Variants in ADGRA3 observed in about 807,000 individuals in gnomAD.
ADGRA3 encodes the protein G-protein coupled receptor 125.
Under a neutral mutation model 119.8 loss-of-function variants are expected in ADGRA3, and 56 were observed. That is an observed-to-expected ratio of 0.47 (90% CI 0.38 to 0.58). ADGRA3 has a LOEUF of 0.58. ADGRA3 is among the 20% of genes least tolerant of loss of function. The pLI is 0.00. For synonymous variants in ADGRA3, 607 were observed against 623.8 expected, an observed-to-expected ratio of 0.97 and a Z score of 0.40; for missense variants, 1,516 against 1,649.0, an observed-to-expected ratio of 0.92 and a Z score of 1.40.
intron 1 of ADGRA3, among the ~76,000 whole-genome samples, chr4:22,484,925 A>C (rs11730156): frequency 0.13 from 20,038 of 152,002 alleles, 1,418 homozygotes; most frequent in Middle Eastern, 0.23. Flanking sequence ...TCTTAGTTCC[A>C]ACCTTCACAT....
At chr4:22,465,872 T>C (rs1244435624) in intron 2 of ADGRA3, among the ~76,000 whole-genome samples, 3 of 152,202 alleles carry the variant, frequency 2.0e-5, no homozygotes, top group Non-Finnish European at 4.4e-5. Context: ...TTGCTGGAGA[T>C]AACTTTCTTT....
chr4:22,412,676 A>G (rs1401835706), intron 14 of ADGRA3, among the ~76,000 whole-genome samples: 1 of 152,222 alleles, frequency 6.6e-6, no homozygotes, highest in Non-Finnish European at 1.5e-5. Context: ...CTGGCATTAA[A>G]ACTGAAAAGA....
At chr4:22,409,872 T>C (rs1715120585) in intron 14 of ADGRA3, among the ~76,000 whole-genome samples, 1 of 152,334 alleles carries the variant, frequency 6.6e-6, no homozygotes, top group East Asian at 1.9e-4. Context: ...AAACAGTAGT[T>C]ACTTATCAGT....
At chr4:22,429,046 C>A (rs1419279408) in intron 10 of ADGRA3, among the ~76,000 whole-genome samples, 1 of 152,042 alleles carries the variant, frequency 6.6e-6, no homozygotes, top group African/African-American at 2.4e-5. Context: ...AATCATAATT[C>A]TTCAGGAGAG....
intron 1 of ADGRA3, among the ~76,000 whole-genome samples, chr4:22,510,004 C>T (rs1321431416): frequency 4.3e-5 from 4 of 92,514 alleles, no homozygotes; most frequent in Admixed American, 4.0e-4. Context: ...AGCGAGACTC[C>T]GTCTCAAAAA....
intron 1 of ADGRA3, among the ~76,000 whole-genome samples, chr4:22,502,307 CT>C (rs1719074818): frequency 6.6e-6 from 1 of 152,136 alleles, no homozygotes; most frequent in Non-Finnish European, 1.5e-5. Context: ...TAGTGATGGA[CT>C]TTAAAATGGT....
intron 8 of ADGRA3, among the ~76,000 whole-genome samples, chr4:22,438,028 T>A (rs949099704): frequency 1.3e-5 from 2 of 152,212 alleles, no homozygotes; most frequent in Admixed American, 1.3e-4. Context: ...TTGTTAAAAA[T>A]GACTCTACTT....
At chr4:22,508,547 AG>A (rs1484038822) in intron 1 of ADGRA3, among the ~76,000 whole-genome samples, 9 of 152,292 alleles carry the variant, frequency 5.9e-5, no homozygotes, top group African/African-American at 2.2e-4. Flanking sequence ...GATGTATGTA[AG>A]ATTTTGCATT....
chr4:22,497,712 A>G lies in ADGRA3; in HGVS notation c.257+17816T>C, dbSNP rs1275171103. ...GTGGCGGGCGCCTATAATCCCAGCT[A>G]CTTGAGGCGTACGTTACAGTGAGCC... On this transcript the variant is annotated intron_variant, in intron 1 of 18. Transcript: ENST00000334304. Among the ~76,000 whole-genome samples the G allele has an allele frequency of 2.1e-5, 3 of 142,654 alleles. No individual in the cohort carries two copies. The East Asian group carries it at 6.2e-4, about 30-fold the overall frequency. The allele number at this position is 142,654 out of a possible 152,430, so 93.6% of individuals were successfully genotyped here.
At chr4:22,477,935 G>C (rs1374246769) in intron 1 of ADGRA3, among the ~76,000 whole-genome samples, 1 of 152,126 alleles carries the variant, frequency 6.6e-6, no homozygotes, top group Non-Finnish European at 1.5e-5. Flanking sequence ...ATAATATCAT[G>C]TATTATTATA....
rs200785534 is a variant in ADGRA3 at position 22,388,745 on chromosome 4, T to C, written c.2926A>G (p.Met976Val). Residue 976 changes from methionine to valine, a missense_variant, in exon 19 of 19, where the codon ATG becomes GTG. This residue lies in a region of ADGRA3 where 1,088 missense variants were observed against 1,107.1 expected (regional missense o/e 0.98). Transcript: ENST00000334304. ...GATGTAGAAATCAGAGACAAAGACA[T>C]TGAATCCTGATGATTTATTTCGCCA... The part of the protein sequence containing the change: ...ENGEINHQDS[M>V]SLSLISTSAL... The C allele has an allele frequency of 4.6e-5, 74 of 1,614,044 alleles. No homozygotes were observed. The African/African-American group carries it at 6.9e-4, about 15-fold the overall frequency.
At chr4:22,416,829 T>G (rs61791988) in intron 12 of ADGRA3, among the ~76,000 whole-genome samples, 1,605 of 152,288 alleles carry the variant, frequency 0.011, 13 homozygotes, top group East Asian at 0.058. Flanking sequence ...TATTTCACTA[T>G]TTACAATGAC....
At chr4:22,472,687 TG>T (rs1187950887) in intron 2 of ADGRA3, among the ~76,000 whole-genome samples, 1 of 151,842 alleles carries the variant, frequency 6.6e-6, no homozygotes, top group Non-Finnish European at 1.5e-5. Context: ...ACCTAAGTAA[TG>T]AAGTCCTGTG....
chr4:22,466,632 C>T (rs1427668916), intron 2 of ADGRA3, among the ~76,000 whole-genome samples: 1 of 152,056 alleles, frequency 6.6e-6, no homozygotes, highest in East Asian at 1.9e-4. Flanking sequence ...GAGGCTGAGG[C>T]TTGAACCCAG....
chr4:22,460,137 T>C (rs1034072726), intron 3 of ADGRA3, among the ~76,000 whole-genome samples: 2 of 152,158 alleles, frequency 1.3e-5, no homozygotes, highest in African/African-American at 4.8e-5. Flanking sequence ...CGTCAGTGGC[T>C]CTCATGGCAG....
rs146837810 is a variant in ADGRA3, at chr4:22,507,360, T to G, written c.257+8168A>C. On this transcript the variant is annotated intron_variant, in intron 1 of 18. Coordinates refer to ENST00000334304, the MANE Select transcript of ADGRA3 (RefSeq NM_145290.4). ...CTCTGTTCTCTAGAGTTAAGATTCC[T>G]CCAGAGCATCAAGCCAGTAAACTAC... Among the ~76,000 whole-genome samples, 144 of 152,302 alleles carry G rather than the reference T, an allele frequency of 9.5e-4. 1 individual carries two copies. The highest frequency in any genetic ancestry group is 3.3e-3 in the African/African-American group (137 of 41,580).
rs764564057 is a variant in ADGRA3 at position 22,402,686 on chromosome 4, T to C, written c.2346A>G (p.Ile782Met). The change falls in exon 15 of 19, where the codon ATA becomes ATG. Residue 782 changes from isoleucine (I) to methionine (M), a missense_variant. By Grantham distance (10) the Ile-to-Met change is conservative (BLOSUM62 1). This residue lies in a region of ADGRA3 where 1,088 missense variants were observed against 1,107.1 expected (regional missense o/e 0.98). Transcript: ENST00000334304. ...GATGTATTTCTTACCTGTGATGGTA[T>C]ATGTAACTGACAATGACGGCTAAGA... Reference protein sequence around the residue: ...LCLLAVIVSYIYHHSLIRISL... With the variant: ...LCLLAVIVSYMYHHSLIRISL... 21 of 1,613,446 alleles carry C rather than the reference T, an allele frequency of 1.3e-5. No homozygotes were observed. The highest frequency in any genetic ancestry group is 3.3e-4 in the Middle Eastern group (2 of 6,078).
rs16872672 is a variant in ADGRA3 at position 22,457,447 on chromosome 4, T to G, written c.402-2510A>C. Among the ~76,000 whole-genome samples, 1,479 of 152,282 alleles carry G rather than the reference T, an allele frequency of 9.7e-3. 19 individuals carry two copies. Among genetic ancestry groups the G allele is most frequent in the African/African-American group, 0.034 (1,402 of 41,564 alleles). On this transcript the variant is annotated intron_variant, in intron 3 of 18. Coordinates refer to ENST00000334304, the MANE Select transcript of ADGRA3 (RefSeq NM_145290.4). ...CAAATATCTTTATATCCCGTTGAGTTTACATACAGGACTTCTTCAGCTTGC... is the reference window on the plus strand; with the variant it reads ...CAAATATCTTTATATCCCGTTGAGTGTACATACAGGACTTCTTCAGCTTGC...
intron 16 of ADGRA3, among the ~76,000 whole-genome samples, chr4:22,399,322 T>C (rs1189960825): frequency 6.6e-6 from 1 of 152,236 alleles, no homozygotes; most frequent in Non-Finnish European, 1.5e-5. Context: ...TTTCAGCTTC[T>C]TTAAGGGCTC....
Sources: allele counts gnomAD v4.1 joint callset (sites outside exome capture counted in the v4.1 genomes callset), GRCh38; gene constraint gnomAD v4.1.1; regional missense constraint gnomAD v4.1.1; transcripts MANE v1.5; gene names NCBI Gene and HGNC (gene_info 2026-07-23, HGNC 2026-07-21).